The following KALRN variants were observed in gnomAD, a reference collection of about 807,000 sequenced individuals.
KALRN encodes kalirin RhoGEF kinase.
A neutral mutation model predicts 353.7 loss-of-function variants in KALRN; 70 were observed. That is an observed-to-expected ratio of 0.20 (90% CI 0.16 to 0.24). KALRN has a LOEUF of 0.24. Ranked by LOEUF, KALRN falls within the 10% of genes least tolerant of loss-of-function variation. The pLI, the probability that KALRN is intolerant of heterozygous loss-of-function variation, is 1.00. For synonymous variants in KALRN, 1,391 were observed against 1,434.8 expected (o/e 0.97, Z 0.69); for missense variants, 2,791 against 3,756.7 (o/e 0.74, Z 6.72).
At chr3:124,647,173 C>T (rs776520351) in intron 37 of KALRN, among the ~76,000 whole-genome samples, 1 of 152,170 alleles carries the variant, frequency 6.6e-6, no homozygotes, top group African/African-American at 2.4e-5. Flanking sequence ...TCCCAAACTG[C>T]TGGCATTACA....
At chr3:124,647,762 G>A (rs1298460007) in intron 37 of KALRN, among the ~76,000 whole-genome samples, 1 of 152,198 alleles carries the variant, frequency 6.6e-6, no homozygotes, top group South Asian at 2.1e-4. Flanking sequence ...ACAATACTAT[G>A]TGATGAAAGC....
At chr3:124,096,505 T>G (rs572412294) in intron 1 of KALRN, 2 of 152,340 alleles carry the variant, frequency 1.3e-5, no homozygotes, top group South Asian at 4.1e-4. Context: ...TTAAACAAGA[T>G]TCACACTACC....
At chr3:124,551,961 C>A (rs2070593298) in intron 33 of KALRN, among the ~76,000 whole-genome samples, 1 of 152,172 alleles carries the variant, frequency 6.6e-6, no homozygotes, top group Non-Finnish European at 1.5e-5. Flanking sequence ...AGGATGCAAT[C>A]TTTAGCTAGT....
intron 34 of KALRN, among the ~76,000 whole-genome samples, chr3:124,600,289 A>T (rs1184544536): frequency 2.6e-5 from 4 of 152,260 alleles, no homozygotes; most frequent in Non-Finnish European, 5.9e-5. Flanking sequence ...GTTTGTCATT[A>T]CCATGGCTTC....
intron 15 of KALRN, among the ~76,000 whole-genome samples, chr3:124,428,193 A>T (rs548729037): frequency 4.5e-4 from 69 of 152,376 alleles, no homozygotes; most frequent in African/African-American, 1.5e-3. Context: ...GTTATCAGTG[A>T]TCAGAGTAAA....
intron 1 of KALRN, among the ~76,000 whole-genome samples, chr3:124,183,433 G>A (rs2073862203): frequency 6.6e-6 from 1 of 152,080 alleles, no homozygotes; most frequent in East Asian, 1.9e-4. Flanking sequence ...ACAGTAACCA[G>A]ATCTCATGAG....
At chr3:124,659,773 A>G (rs1207223910) in intron 43 of KALRN, among the ~76,000 whole-genome samples, 1 of 151,986 alleles carries the variant, frequency 6.6e-6, no homozygotes, top group Non-Finnish European at 1.5e-5. Flanking sequence ...GAAGAATATG[A>G]TATCAGAGTG....
At chr3:124,377,846 G>C (rs13326456) in intron 10 of KALRN, among the ~76,000 whole-genome samples, 17,713 of 152,056 alleles carry the variant, frequency 0.12, 1,274 homozygotes, top group Non-Finnish European at 0.16. Context: ...TACTACGTCT[G>C]ATATTAATAT....
chr3:124,395,955 A>G (rs761582267), intron 12 of KALRN, among the ~76,000 whole-genome samples: 7 of 152,240 alleles, frequency 4.6e-5, no homozygotes, highest in Admixed American at 2.0e-4. Context: ...ATTTGTTTAG[A>G]ATTACCCAGG....
chr3:124,464,166 C>T (rs181068539), intron 25 of KALRN, among the ~76,000 whole-genome samples: 5 of 152,290 alleles, frequency 3.3e-5, no homozygotes, highest in African/African-American at 9.6e-5. Context: ...GACTGGCAAA[C>T]GGTAAGTCGT....
At chr3:124,426,231 T>C (rs545037675) in intron 15 of KALRN, among the ~76,000 whole-genome samples, 8 of 152,296 alleles carry the variant, frequency 5.3e-5, no homozygotes, top group Admixed American at 5.2e-4. Context: ...GAGCGGGAAA[T>C]ACTGATTTGG....
At chr3:124,146,188 G>A (rs1210830222) in intron 1 of KALRN, among the ~76,000 whole-genome samples, 1 of 152,186 alleles carries the variant, frequency 6.6e-6, no homozygotes, top group Non-Finnish European at 1.5e-5. Flanking sequence ...GCTTGGAGAA[G>A]GGAGGTAATG....
intron 49 of KALRN, among the ~76,000 whole-genome samples, chr3:124,676,277 C>T (rs908664946): frequency 2.6e-5 from 4 of 152,048 alleles, no homozygotes; most frequent in Admixed American, 6.5e-5. Context: ...TCTTGTCAGC[C>T]GCTCTTGCAA....
At chr3:124,372,945 C>T (rs2086063565) in intron 10 of KALRN, among the ~76,000 whole-genome samples, 1 of 78,834 alleles carries the variant, frequency 1.3e-5, no homozygotes, top group African/African-American at 5.5e-5. Flanking sequence ...TTAGAGTCAC[C>T]TGGGAGCTTT....
chr3:124,181,619 CA>C (rs2073612530), intron 1 of KALRN, among the ~76,000 whole-genome samples: 1 of 152,084 alleles, frequency 6.6e-6, no homozygotes, highest in Non-Finnish European at 1.5e-5. Flanking sequence ...CCATGATTAG[CA>C]TTATTTTTGG....
chr3:124,326,029 C>T lies in KALRN; in HGVS notation c.1142C>T (p.Ser381Phe). The T allele has an allele frequency of 6.2e-7, 1 of 1,613,732 alleles. No homozygotes were observed. Among genetic ancestry groups the T allele is most frequent in the Non-Finnish European group, 8.5e-7 (1 of 1,179,804 alleles). The change falls in exon 7 of 60, where the codon TCT becomes TTT. Residue 381 changes from serine to phenylalanine, a missense_variant. Physicochemically the swap from Ser to Phe is radical, Grantham distance 155. Coordinates refer to ENST00000682506, the MANE Select transcript of KALRN (RefSeq NM_001388419.1). Reference sequence around the variant, plus strand: ...ATCATGTCCGTGGCTTCCCGCCTCTCTGAGGCCGGTCATTATGCCTCACAA... The same window carrying T: ...ATCATGTCCGTGGCTTCCCGCCTCTTTGAGGCCGGTCATTATGCCTCACAA... ...NRIMSVASRL[S>F]EAGHYASQQI...
At chr3:124,660,518 C>T (rs1479845615) in intron 43 of KALRN, among the ~76,000 whole-genome samples, 2 of 151,710 alleles carry the variant, frequency 1.3e-5, no homozygotes, top group South Asian at 2.1e-4. Context: ...ACATCTCTAC[C>T]GAAAATACAA....
chr3:124,662,805 T>G (rs946582966), intron 45 of KALRN, among the ~76,000 whole-genome samples: 1 of 152,220 alleles, frequency 6.6e-6, no homozygotes, highest in South Asian at 2.1e-4. Flanking sequence ...GCTAGAGGTC[T>G]GAAATCAAGG....
chr3:124,061,638 G>A (rs2042003362), intron 1 of KALRN, among the ~76,000 whole-genome samples: 1 of 152,220 alleles, frequency 6.6e-6, no homozygotes, highest in African/African-American at 2.4e-5. Context: ...TTCCAAATAT[G>A]TTTTCAAGAA....
Sources: allele counts gnomAD v4.1 joint callset (sites outside exome capture counted in the v4.1 genomes callset), GRCh38; gene constraint gnomAD v4.1.1; transcripts MANE v1.5; gene names NCBI Gene and HGNC (gene_info 2026-07-23, HGNC 2026-07-21).